TMEM196: variants seen among roughly 807,000 people sequenced by gnomAD.
TMEM196 encodes the protein transmembrane protein 196.
Under a neutral mutation model 20.0 loss-of-function variants are expected in TMEM196, and 17 were observed. The observed-to-expected ratio is 0.85, with a 90% CI of 0.58 to 1.27. TMEM196 has a LOEUF of 1.27. TMEM196 is among the 50% of genes most tolerant of loss of function. The pLI is 0.00. For synonymous variants in TMEM196, 113 were observed against 88.9 expected, an observed-to-expected ratio of 1.27 and a Z score of -1.52; for missense variants, 267 against 223.0, an observed-to-expected ratio of 1.20 and a Z score of -1.26.
intron 1 of TMEM196, among the ~76,000 whole-genome samples, chr7:19,753,012 T>C (rs959096293): frequency 3.6e-4 from 55 of 152,318 alleles, no homozygotes; most frequent in African/African-American, 1.3e-3. Flanking sequence ...TGGTCTACTG[T>C]GGATCTTCTA....
chr7:19,761,040 A>C (rs945392999), intron 1 of TMEM196, among the ~76,000 whole-genome samples: 5 of 152,058 alleles, frequency 3.3e-5, no homozygotes, highest in Admixed American at 2.0e-4. Context: ...CTCAACGTTG[A>C]CTTGGCCCCA....
chr7:19,731,134 G>T (rs563649271), intron 1 of TMEM196, among the ~76,000 whole-genome samples: 1 of 151,902 alleles, frequency 6.6e-6, no homozygotes, highest in Non-Finnish European at 1.5e-5. Flanking sequence ...TAATTTTGAC[G>T]GTCAAAAACA....
At chr7:19,736,275 C>T (rs887790246) in intron 1 of TMEM196, among the ~76,000 whole-genome samples, 7 of 142,034 alleles carry the variant, frequency 4.9e-5, no homozygotes, top group Non-Finnish European at 1.1e-4. Flanking sequence ...TACATCATAT[C>T]CTGGCTCAAC....
At chr7:19,758,454 G>A (rs1785303251) in intron 1 of TMEM196, among the ~76,000 whole-genome samples, 2 of 152,000 alleles carry the variant, frequency 1.3e-5, no homozygotes, top group Admixed American at 1.3e-4. Flanking sequence ...TTTTCCTTTT[G>A]GTTGAAAGAT....
At chr7:19,768,524 CAG>C (rs940191428) in intron 1 of TMEM196, among the ~76,000 whole-genome samples, 2 of 152,220 alleles carry the variant, frequency 1.3e-5, no homozygotes, top group African/African-American at 4.8e-5. Flanking sequence ...AACTTGGAAA[CAG>C]AGCTCTGTCC....
intron 1 of TMEM196, among the ~76,000 whole-genome samples, chr7:19,765,961 A>G (rs1482352042): frequency 1.3e-5 from 2 of 152,170 alleles, no homozygotes. Flanking sequence ...TCTAGGTCCT[A>G]GGGAGGCAAG....
At chr7:19,765,475 C>A (rs1389403207) in intron 1 of TMEM196, among the ~76,000 whole-genome samples, 1 of 152,146 alleles carries the variant, frequency 6.6e-6, no homozygotes, top group Non-Finnish European at 1.5e-5. Flanking sequence ...ACTATTCAGG[C>A]AGTTCAAGTT....
At chr7:19,728,398 A>G (rs1349618525) in intron 2 of TMEM196, among the ~76,000 whole-genome samples, 3 of 152,168 alleles carry the variant, frequency 2.0e-5, no homozygotes, top group African/African-American at 4.8e-5. Context: ...ATTTTTTTCT[A>G]AAGGTTTCAT....
At chr7:19,745,174 T>C (rs1407010125) in intron 1 of TMEM196, among the ~76,000 whole-genome samples, 2 of 152,228 alleles carry the variant, frequency 1.3e-5, no homozygotes, top group Non-Finnish European at 2.9e-5. Context: ...TGCTACTATG[T>C]AAATAGTTGT....
chr7:19,770,951 TG>T (rs200506720), intron 1 of TMEM196, among the ~76,000 whole-genome samples: 1 of 151,536 alleles, frequency 6.6e-6, no homozygotes, highest in African/African-American at 2.4e-5. Flanking sequence ...TGAATTTCGT[TG>T]GGGGCGGGGA....
At chr7:19,766,531 A>T (rs780411773) in intron 1 of TMEM196, among the ~76,000 whole-genome samples, 10 of 150,748 alleles carry the variant, frequency 6.6e-5, no homozygotes, top group Non-Finnish European at 1.3e-4. Flanking sequence ...TATATATATA[A>T]AATATATAGG....
At chr7:19,747,926 A>G (rs1249018784) in intron 1 of TMEM196, among the ~76,000 whole-genome samples, 2 of 152,198 alleles carry the variant, frequency 1.3e-5, no homozygotes, top group Non-Finnish European at 1.5e-5. Context: ...TCTCCGAAGA[A>G]GTACTTTCCT....
intron 1 of TMEM196, among the ~76,000 whole-genome samples, chr7:19,747,396 A>C (rs1784799082): frequency 6.6e-6 from 1 of 152,228 alleles, no homozygotes; most frequent in Admixed American, 6.5e-5. Flanking sequence ...AATTTTAATG[A>C]ACTAAATATG....
intron 2 of TMEM196, 101 bp from the exon 3 acceptor site, chr7:19,725,869 T>C: frequency 7.3e-7 from 1 of 1,370,142 alleles, no homozygotes; most frequent in Non-Finnish European, 9.7e-7. Flanking sequence ...TAGCCTACAA[T>C]AAAGAAGAAT....
chr7:19,762,894 G>T (rs1036365946), intron 1 of TMEM196, among the ~76,000 whole-genome samples: 1 of 152,124 alleles, frequency 6.6e-6, no homozygotes, highest in Non-Finnish European at 1.5e-5. Context: ...CATGCATAGC[G>T]GTTTCCGAAA....
At chr7:19,748,027 CCTTCAATTAATTAATTT>C (rs1285878447) in intron 1 of TMEM196, among the ~76,000 whole-genome samples, 12 of 151,736 alleles carry the variant, frequency 7.9e-5, no homozygotes, top group Non-Finnish European at 1.5e-4. Context: ...AGGATTACTT[CCTTCAATTAATTAATTT>C]TTCCATGTAA....
intron 1 of TMEM196, among the ~76,000 whole-genome samples, chr7:19,733,740 A>T (rs567251770): frequency 6.6e-6 from 1 of 152,040 alleles, no homozygotes; most frequent in African/African-American, 2.4e-5. Context: ...AGTAGAGGAC[A>T]TTGACCATTG....
chr7:19,751,218 CA>C (rs1156851793), intron 1 of TMEM196, among the ~76,000 whole-genome samples: 1 of 152,128 alleles, frequency 6.6e-6, no homozygotes, highest in African/African-American at 2.4e-5. Flanking sequence ...TGCAACTATA[CA>C]GGGGAGAGAG....
At position 19,721,933 on chromosome 7, in the gene TMEM196, A is replaced by G. The variant is rs996279353; in HGVS notation, c.*195T>C. On this transcript the variant is annotated 3_prime_UTR_variant, in exon 5 of 5. Coordinates refer to ENST00000405844, the MANE Select transcript of TMEM196 (RefSeq NM_001363562.2). ...AAAAGGGTGGAGAAACCAGTGAGGC[A>G]ATATATTTTTTAGGAAGAATAATTT... 1.1e-5 allele frequency: 8 copies of G among 703,956 alleles called. No individual in the cohort carries two copies. The highest frequency in any genetic ancestry group is 1.9e-5 in the South Asian group (1 of 53,376). 43.6% of individuals were successfully genotyped at this position (703,956 alleles called of 1,614,324 possible). A position where few individuals can be genotyped will look rare whatever the true frequency, so the allele number is the denominator to read the frequency against.
Sources: gnomAD v4.1 joint callset for allele counts (sites outside exome capture counted in the v4.1 genomes callset) on GRCh38, gnomAD v4.1.1 for gene constraint, MANE v1.5 for transcripts, NCBI Gene and HGNC (gene_info 2026-07-23, HGNC 2026-07-21) for gene names.